The following ATP11B variants were observed in gnomAD, a reference collection of about 807,000 sequenced individuals.
ATP11B encodes ATPase phospholipid transporting 11B (putative), also known as phospholipid-transporting ATPase IF.
Under a neutral mutation model 157.8 loss-of-function variants are expected in ATP11B, and 81 were observed. That is an observed-to-expected ratio of 0.51 (90% CI 0.43 to 0.62). The LOEUF (loss-of-function observed/expected upper bound fraction) is 0.62. Ranked by LOEUF, ATP11B falls within the 20% of genes least tolerant of loss-of-function variation. ATP11B has a pLI of 0.00. For synonymous variants in ATP11B, 451 were observed against 469.4 expected (o/e 0.96, Z 0.51); for missense variants, 1,165 against 1,402.2 (o/e 0.83, Z 2.70).
chr3:182,809,153 G>T (rs1226612201), intron 1 of ATP11B, among the ~76,000 whole-genome samples: 1 of 151,912 alleles, frequency 6.6e-6, no homozygotes, highest in Non-Finnish European at 1.5e-5. Flanking sequence ...AATGCCTTTG[G>T]TTATTAGAAG....
intron 9 of ATP11B, among the ~76,000 whole-genome samples, chr3:182,846,971 G>A (rs1489709834): frequency 6.6e-6 from 1 of 150,738 alleles, no homozygotes; most frequent in Non-Finnish European, 1.5e-5. Flanking sequence ...AAAGAAATCT[G>A]TAAAAATATT....
chr3:182,826,709 G>A (rs6802325), intron 2 of ATP11B, among the ~76,000 whole-genome samples: 10,346 of 152,216 alleles, frequency 0.068, 1,186 homozygotes, highest in African/African-American at 0.23. Context: ...CACCAAAGAA[G>A]GAAAGTTTGT....
At chr3:182,829,870 T>G in intron 4 of ATP11B, 118 bp downstream of exon 4, 1 of 1,423,684 alleles carries the variant, frequency 7.0e-7, no homozygotes, top group Non-Finnish European at 9.3e-7. Context: ...AGCAGCAAAT[T>G]TGTCTGATAC....
At chr3:182,890,377 A>G (rs533813073) in intron 25 of ATP11B, among the ~76,000 whole-genome samples, 2 of 152,346 alleles carry the variant, frequency 1.3e-5, no homozygotes, top group South Asian at 2.1e-4. Context: ...GGAAGAATAT[A>G]AAGTTTTATC....
At chr3:182,836,637 C>A (rs1718574617) in intron 6 of ATP11B, 167 bp downstream of exon 6, 8 of 773,394 alleles carry the variant, frequency 1.0e-5, no homozygotes, top group Admixed American at 3.1e-5. Context: ...GATGTTATAT[C>A]TTTATTTCAA....
intron 1 of ATP11B, among the ~76,000 whole-genome samples, chr3:182,795,500 T>A (rs1296230807): frequency 1.3e-5 from 2 of 152,206 alleles, no homozygotes; most frequent in African/African-American, 2.4e-5. Context: ...TGAACCCAGC[T>A]AAAAGGAAGG....
rs1215120212 is a variant in ATP11B at position 182,859,158 on chromosome 3, C to T, written c.1003-4C>T. 2 of 1,583,406 alleles carry T rather than the reference C, an allele frequency of 1.3e-6. No homozygotes were observed. The highest frequency in any genetic ancestry group is 1.7e-6 in the Non-Finnish European group (2 of 1,163,530). On this transcript the variant is annotated splice_polypyrimidine_tract_variant and splice_region_variant and intron_variant, in intron 11 of 29. Coordinates refer to ENST00000323116, the MANE Select transcript of ATP11B (RefSeq NM_014616.3). The stretch of plus-strand genomic sequence containing the variant: ...TTTTCAAACAATTATTTCCTTTTTT[C>T]TAGATTCTGAGATTTATTTCAGACT...
chr3:182,854,059 A>G (rs1449413601), intron 10 of ATP11B, among the ~76,000 whole-genome samples: 1 of 152,226 alleles, frequency 6.6e-6, no homozygotes, highest in Non-Finnish European at 1.5e-5. Flanking sequence ...TCTACAAATG[A>G]TGCAGCAATT....
At chr3:182,854,794 CACACA>C (rs1232878275) in intron 10 of ATP11B, among the ~76,000 whole-genome samples, 1 of 104,058 alleles carries the variant, frequency 9.6e-6, no homozygotes, top group Non-Finnish European at 2.2e-5. Context: ...CACACACACA[CACACA>C]CCTGCCTACA....
intron 12 of ATP11B, among the ~76,000 whole-genome samples, chr3:182,864,987 C>T (rs143926261): frequency 5.9e-5 from 9 of 152,090 alleles, no homozygotes; most frequent in East Asian, 3.9e-4. Context: ...TTAGACAATT[C>T]GCACCTCTAA....
intron 7 of ATP11B, among the ~76,000 whole-genome samples, chr3:182,839,168 A>G (rs1718798659): frequency 6.6e-6 from 1 of 152,184 alleles, no homozygotes; most frequent in Non-Finnish European, 1.5e-5. Context: ...ATCCTTAACA[A>G]ACTAATACAG....
chr3:182,880,972 G>T lies in ATP11B; in HGVS notation c.2500G>T (p.Val834Phe). 7 of 1,583,136 alleles carry T rather than the reference G, an allele frequency of 4.4e-6. No individual in the cohort carries two copies. The highest frequency in any genetic ancestry group is 6.0e-6 in the Non-Finnish European group (7 of 1,167,584). Reference sequence around the variant, plus strand: ...CGTAAGCATGATACAAGAAGCCCATGTTGGCATAGGTGATTGATTCTTCCT... The same window carrying T: ...CGTAAGCATGATACAAGAAGCCCATTTTGGCATAGGTGATTGATTCTTCCT... ...NDVSMIQEAH[V>F]GIGIMGKEGR... The change falls in exon 21 of 30, where the codon GTT becomes TTT. Residue 834 changes from valine to phenylalanine, a missense_variant. By Grantham distance (50) the Val-to-Phe change is conservative. Around this residue, in one of 4 missense-constraint regions of ATP11B, gnomAD observed 737 missense variants for 930.5 expected, o/e 0.79. Coordinates refer to ENST00000323116, the MANE Select transcript of ATP11B (RefSeq NM_014616.3).
chr3:182,889,510 C>G lies in ATP11B; in HGVS notation c.2944C>G (p.Leu982Val). The change falls in exon 25 of 30, where the codon CTA becomes GTA. Residue 982 changes from leucine to valine, a missense_variant. Leu to Val is a conservative substitution (Grantham distance 32, BLOSUM62 1). This residue lies in a region of ATP11B where 303 missense variants were observed against 296.3 expected (regional missense o/e 1.02). Coordinates refer to ENST00000323116, the MANE Select transcript of ATP11B (RefSeq NM_014616.3). ...TATTTTCTTTTTTGGATCCTATTTA[C>G]TAATAGGGAAAGATACATCTCTGCT... Reference protein sequence around the residue: ...AFIFFFGSYLLIGKDTSLLGN... With the variant: ...AFIFFFGSYLVIGKDTSLLGN... The G allele has an allele frequency of 6.4e-7, 1 of 1,567,250 alleles. No individual in the cohort carries two copies. Among genetic ancestry groups the G allele is most frequent in the South Asian group, 1.2e-5 (1 of 82,522 alleles).
intron 11 of ATP11B, among the ~76,000 whole-genome samples, chr3:182,858,659 G>T (rs1577033232): frequency 6.6e-6 from 1 of 152,088 alleles, no homozygotes; most frequent in South Asian, 2.1e-4. Context: ...AATGCATATT[G>T]AAATATGGAG....
At position 182,887,671 on chromosome 3, in the gene ATP11B, A is replaced by C. The variant is rs200531169; in HGVS notation, c.2801A>C (p.His934Pro). ...CTGATATATAGTCTTTTGGAACAGCATGTAGACCCTCATGTGTTACAAAAT... is the reference window on the plus strand; with the variant it reads ...CTGATATATAGTCTTTTGGAACAGCCTGTAGACCCTCATGTGTTACAAAAT... ...PILIYSLLEQ[H>P]VDPHVLQNKP... Residue 934 changes from histidine (H) to proline (P), a missense_variant, in exon 24 of 30, where the codon CAT becomes CCT. Around this residue, in one of 4 missense-constraint regions of ATP11B, gnomAD observed 303 missense variants for 296.3 expected, o/e 1.02. Coordinates refer to ENST00000323116, the MANE Select transcript of ATP11B (RefSeq NM_014616.3). The C allele has an allele frequency of 4.3e-6, 7 of 1,612,820 alleles. No individual in the cohort carries two copies. The highest frequency in any genetic ancestry group is 1.7e-5 in the Admixed American group (1 of 59,848).
intron 7 of ATP11B, among the ~76,000 whole-genome samples, chr3:182,839,494 T>C (rs911938136): frequency 1.3e-5 from 2 of 152,198 alleles, no homozygotes; most frequent in Non-Finnish European, 2.9e-5. Context: ...GAATCATTGA[T>C]AGCTGCAGAA....
intron 10 of ATP11B, among the ~76,000 whole-genome samples, chr3:182,854,314 A>T (rs1720206769): frequency 6.6e-6 from 1 of 152,146 alleles, no homozygotes; most frequent in Non-Finnish European, 1.5e-5. Context: ...TACTAAAAAT[A>T]CAAAAATTAG....
intron 19 of ATP11B, among the ~76,000 whole-genome samples, chr3:182,874,342 T>A (rs1721877569): frequency 6.6e-6 from 1 of 152,224 alleles, no homozygotes; most frequent in Non-Finnish European, 1.5e-5. Context: ...TCTCTTCAGC[T>A]TTACACTGCT....
At position 182,866,695 on chromosome 3, in the gene ATP11B, A is replaced by G. The variant is rs115189494; in HGVS notation, c.1619+252A>G. Among the ~76,000 whole-genome samples the G allele has an allele frequency of 9.2e-3, 1,388 of 151,354 alleles. 22 individuals are homozygous for G. Among genetic ancestry groups the G allele is most frequent in the African/African-American group, 0.032 (1,326 of 41,366 alleles). ...TGATTACTATAAAAATCTGTGTAAT[A>G]GAATTTATTAAAAATGCTTGTGCAT... is the stretch of plus-strand genomic sequence containing the variant. On this transcript the variant is annotated intron_variant, in intron 14 of 29. Transcript: ENST00000323116.
Sources: gnomAD v4.1 joint callset for allele counts (sites outside exome capture counted in the v4.1 genomes callset) on GRCh38, gnomAD v4.1.1 for gene constraint, gnomAD v4.1.1 regional missense constraint, MANE v1.5 for transcripts, NCBI Gene and HGNC (gene_info 2026-07-23, HGNC 2026-07-21) for gene names.